SCMH1: variants seen among roughly 807,000 people sequenced by gnomAD.
The protein encoded by SCMH1 is polycomb protein SCMH1.
A neutral mutation model predicts 70.8 loss-of-function variants in SCMH1; 37 were observed. The observed-to-expected ratio is 0.52, with a 90% confidence interval of 0.40 to 0.69. SCMH1 has a LOEUF of 0.69. Among genes scored for constraint, SCMH1 ranks in the 30% least tolerant of loss-of-function variants. The pLI is 0.00. For missense variants in SCMH1, 607 were observed against 827.3 expected (o/e 0.73, Z 3.27); for synonymous variants, 292 against 307.4 (o/e 0.95, Z 0.52).
intron 1 of SCMH1, among the ~76,000 whole-genome samples, chr1:41,219,778 A>C (rs1658862019): frequency 6.6e-6 from 1 of 152,118 alleles, no homozygotes; most frequent in Admixed American, 6.5e-5. Flanking sequence ...AAATATGAAC[A>C]AACTTACCCG....
At chr1:41,200,110 T>C (rs1173262296) in intron 1 of SCMH1, among the ~76,000 whole-genome samples, 2 of 152,188 alleles carry the variant, frequency 1.3e-5, no homozygotes, top group Admixed American at 6.5e-5. Flanking sequence ...TCTTTTTTGA[T>C]TGTAATCCAC....
chr1:41,027,948 C>T lies in SCMH1; in HGVS notation c.*246G>A, dbSNP rs970443432. ...AGGGTTGAGAAATAAATAGAGGGAC[C>T]TTAGAGCCCCGGCAGAGCTGAGGGA... On this transcript the variant is annotated 3_prime_UTR_variant, in exon 15 of 15. Transcript: ENST00000337495. The T allele has an allele frequency of 1.2e-5, 6 of 521,614 alleles. No homozygotes were observed. The East Asian group carries it at 1.6e-4, about 14-fold the overall frequency. 32.3% of individuals were successfully genotyped at this position (521,614 alleles called of 1,614,324 possible). A position where few individuals can be genotyped will look rare whatever the true frequency, so the allele number is the denominator to read the frequency against.
At chr1:41,185,232 T>TA (rs926322769) in intron 2 of SCMH1, among the ~76,000 whole-genome samples, 50 of 152,114 alleles carry the variant, frequency 3.3e-4, no homozygotes, top group African/African-American at 8.7e-4. Flanking sequence ...TAATAAGGAT[T>TA]AAAAAAAACA....
chr1:41,072,255 A>G (rs900771154), intron 9 of SCMH1, among the ~76,000 whole-genome samples: 2 of 152,228 alleles, frequency 1.3e-5, no homozygotes, highest in Non-Finnish European at 2.9e-5. Flanking sequence ...GTAATGAATG[A>G]GTCAGGGAAG....
chr1:41,234,651 T>G (rs1661995230), intron 1 of SCMH1, among the ~76,000 whole-genome samples: 1 of 151,764 alleles, frequency 6.6e-6, no homozygotes, highest in South Asian at 2.1e-4. Flanking sequence ...ATTTTTTGTA[T>G]TTTTAGTAGA....
intron 2 of SCMH1, among the ~76,000 whole-genome samples, chr1:41,163,214 A>G (rs1247292176): frequency 7.8e-6 from 1 of 128,328 alleles, no homozygotes; most frequent in African/African-American, 3.1e-5. Context: ...AGCCTCACAG[A>G]GAGCTGGCAT....
chr1:41,222,897 T>C (rs1659577246), intron 1 of SCMH1, among the ~76,000 whole-genome samples: 1 of 152,200 alleles, frequency 6.6e-6, no homozygotes, highest in South Asian at 2.1e-4. Flanking sequence ...TAGGGAAAAC[T>C]GGAGAAGATC....
At chr1:41,169,978 T>G (rs756327365) in intron 2 of SCMH1, among the ~76,000 whole-genome samples, 13 of 152,202 alleles carry the variant, frequency 8.5e-5, no homozygotes, top group Non-Finnish European at 1.6e-4. Context: ...AATATTTGAC[T>G]GCCCCTAAAC....
chr1:41,134,387 CCT>C (rs1478966127), intron 6 of SCMH1, among the ~76,000 whole-genome samples: 1 of 152,134 alleles, frequency 6.6e-6, no homozygotes. Context: ...ACAAGGATGC[CCT>C]CTCTCACCAC....
chr1:41,201,873 A>G (rs1213741620), intron 1 of SCMH1, among the ~76,000 whole-genome samples: 1 of 152,224 alleles, frequency 6.6e-6, no homozygotes, highest in Non-Finnish European at 1.5e-5. Flanking sequence ...AATAGTGCTC[A>G]GTATTTACTA....
chr1:41,174,403 T>C (rs1646980750), intron 2 of SCMH1, among the ~76,000 whole-genome samples: 1 of 152,056 alleles, frequency 6.6e-6, no homozygotes, highest in African/African-American at 2.4e-5. Flanking sequence ...GAACTACTAC[T>C]CCACAATGGA....
At chr1:41,196,731 T>A (rs1292073482) in intron 1 of SCMH1, among the ~76,000 whole-genome samples, 1 of 152,104 alleles carries the variant, frequency 6.6e-6, no homozygotes, top group East Asian at 1.9e-4. Context: ...CTGTTGTGCA[T>A]CAAAAGATCC....
chr1:41,147,201 C>T (rs531562756), intron 5 of SCMH1, among the ~76,000 whole-genome samples: 2 of 152,262 alleles, frequency 1.3e-5, no homozygotes, highest in East Asian at 1.9e-4. Context: ...GCCCTGTATA[C>T]ATTTTCCTTG....
At chr1:41,092,158 G>C (rs566598543) in intron 8 of SCMH1, among the ~76,000 whole-genome samples, 51 of 152,260 alleles carry the variant, frequency 3.3e-4, no homozygotes, top group Non-Finnish European at 5.7e-4. Context: ...CAGCATGGTA[G>C]TGGTACCAAA....
intron 10 of SCMH1, among the ~76,000 whole-genome samples, chr1:41,067,333 A>G (rs1386422269): frequency 6.6e-6 from 1 of 151,690 alleles, no homozygotes; most frequent in Non-Finnish European, 1.5e-5. Flanking sequence ...GGTCCCAGGT[A>G]CTCGGAAGGC....
At chr1:41,150,633 TAGAAAAC>T (rs1644984574) in intron 5 of SCMH1, among the ~76,000 whole-genome samples, 1 of 152,128 alleles carries the variant, frequency 6.6e-6, no homozygotes, top group Non-Finnish European at 1.5e-5. Flanking sequence ...TATTTCTACT[TAGAAAAC>T]AGACAAAATT....
At chr1:41,089,695 C>A (rs138848734) in intron 8 of SCMH1, among the ~76,000 whole-genome samples, 1 of 151,504 alleles carries the variant, frequency 6.6e-6, no homozygotes, top group Non-Finnish European at 1.5e-5. Context: ...TTATGCTGAA[C>A]TTTGGAGCCC....
chr1:41,065,361 C>G (rs1278446035), intron 10 of SCMH1, among the ~76,000 whole-genome samples: 1 of 152,108 alleles, frequency 6.6e-6, no homozygotes, highest in East Asian at 1.9e-4. Context: ...CCCAGCTACT[C>G]TGGAGGCTGA....
chr1:41,028,274 T>C lies in SCMH1; in HGVS notation c.1867A>G (p.Met623Val), dbSNP rs1462105870. 1.2e-6 allele frequency: 2 copies of C among 1,613,208 alleles called. No homozygotes were observed. The highest frequency in any genetic ancestry group is 1.7e-6 in the Non-Finnish European group (2 of 1,179,696). ...CCCAGCTTCAGGCCCATGTACTTCA[T>C]CATCATGTCACTGCGCAGCAGCAGC... is the stretch of plus-strand genomic sequence containing the variant. Residue 623 changes from methionine to valine, a missense_variant, in exon 15 of 15, where the codon ATG becomes GTG. Around this residue, in one of 3 missense-constraint regions of SCMH1, gnomAD observed 430 missense variants for 528.2 expected, o/e 0.81. Coordinates refer to ENST00000337495, the Ensembl canonical transcript of SCMH1.
Sources: allele counts gnomAD v4.1 joint callset (sites outside exome capture counted in the v4.1 genomes callset), GRCh38; gene constraint gnomAD v4.1.1; regional missense constraint gnomAD v4.1.1; transcripts MANE v1.5; gene names NCBI Gene and HGNC (gene_info 2026-07-23, HGNC 2026-07-21).